IGF1R: variants seen among roughly 807,000 people sequenced by gnomAD.
IGF1R encodes the protein insulin like growth factor 1 receptor.
A neutral mutation model predicts 144.6 loss-of-function variants in IGF1R; 44 were observed. That is an observed-to-expected ratio of 0.30 (90% CI 0.24 to 0.39). The LOEUF is 0.39. Among genes scored for constraint, IGF1R ranks in the 10% least tolerant of loss-of-function variants. The pLI, the probability that IGF1R is intolerant of heterozygous loss-of-function variation, is 1.00. For synonymous variants in IGF1R, 795 were observed against 722.8 expected (o/e 1.10, Z -1.60); for missense variants, 1,355 against 1,833.7 (o/e 0.74, Z 4.77).
rs560852434 is a variant in IGF1R at position 98,957,652 on chromosome 15, C to T, written c.*210C>T. 173 of 624,888 alleles carry T rather than the reference C, an allele frequency of 2.8e-4. 1 individual carries two copies. The highest frequency in any genetic ancestry group is 2.8e-6 in the Non-Finnish European group (1 of 355,968). The allele number at this position is 624,888 out of a possible 1,614,324, so 38.7% of individuals were successfully genotyped here. A position where few individuals can be genotyped will look rare whatever the true frequency, so the allele number is the denominator to read the frequency against. ...CAATATGCAAGCAGCTTTTTATTCCCTGCCCAAACCCTTAACTGACATGGG... is the reference window on the plus strand; with the variant it reads ...CAATATGCAAGCAGCTTTTTATTCCTTGCCCAAACCCTTAACTGACATGGG... On this transcript the variant is annotated 3_prime_UTR_variant, in exon 21 of 21. Coordinates refer to ENST00000650285, the MANE Select transcript of IGF1R (RefSeq NM_000875.5).
At position 98,957,497 on chromosome 15, in the gene IGF1R, G is replaced by A. The variant is rs140896443; in HGVS notation, c.*55G>A. On this transcript the variant is annotated 3_prime_UTR_variant, in exon 21 of 21. Transcript: ENST00000650285. ...AACGTGTGCGCACGCGCAGCGGGGTGGGGGGGGAGAGAGAGTTTTAACAAT... is the reference window on the plus strand; with the variant it reads ...AACGTGTGCGCACGCGCAGCGGGGTAGGGGGGGAGAGAGAGTTTTAACAAT... 2.9e-4 allele frequency: 456 copies of A among 1,562,118 alleles called. 3 individuals carry two copies. The African/African-American group carries it at 4.9e-3, about 17-fold the overall frequency.
intron 2 of IGF1R, among the ~76,000 whole-genome samples, chr15:98,853,123 T>A (rs1390199203): frequency 6.6e-6 from 1 of 152,186 alleles, no homozygotes; most frequent in African/African-American, 2.4e-5. Flanking sequence ...TCACATCGGA[T>A]GCTATTTTAA....
In IGF1R at chr15:98,908,816, A is replaced by C. The variant is rs777004579; in HGVS notation, c.1379A>C (p.Tyr460Ser). ...CCCAAATTATGTGTTTCCGAAATTT[A>C]CCGCATGGAGGAAGTGACGGGGACT... ...FNPKLCVSEIYRMEEVTGTKG... is the reference protein window; with the variant it reads ...FNPKLCVSEISRMEEVTGTKG... Residue 460 changes from tyrosine to serine, a missense_variant, in exon 6 of 21, where the codon TAC becomes TCC. Around this residue, in one of 7 missense-constraint regions of IGF1R, gnomAD observed 880 missense variants for 1,202.7 expected, o/e 0.73. Transcript: ENST00000650285. The C allele has an allele frequency of 6.2e-7, 1 of 1,614,080 alleles. No individual in the cohort carries two copies. The highest frequency in any genetic ancestry group is 2.2e-5 in the East Asian group (1 of 44,902).
At chr15:98,793,910 T>C (rs2056182115) in intron 2 of IGF1R, among the ~76,000 whole-genome samples, 1 of 152,242 alleles carries the variant, frequency 6.6e-6, no homozygotes, top group African/African-American at 2.4e-5. Context: ...AGAATTTAGA[T>C]AGCTTCACTT....
In IGF1R at chr15:98,735,260, A is replaced by G. The variant is rs192459744; in HGVS notation, c.640+27153A>G. On this transcript the variant is annotated intron_variant, in intron 2 of 20. Transcript: ENST00000650285. The stretch of plus-strand genomic sequence containing the variant: ...TTCCCAGGGAAGAAAGCCCGTTTCA[A>G]TTGGCTCAAGCGGAAAAGAGCACTG... Among the ~76,000 whole-genome samples, 810 of 152,292 alleles carry G rather than the reference A, an allele frequency of 5.3e-3. 4 individuals carry two copies. Among genetic ancestry groups the G allele is most frequent in the Non-Finnish European group, 9.8e-3 (670 of 68,034 alleles).
rs1474593923 is a variant in IGF1R at position 98,705,991 on chromosome 15, G to A, written c.95-1571G>A. On this transcript the variant is annotated intron_variant, in intron 1 of 20. Coordinates refer to ENST00000650285, the MANE Select transcript of IGF1R (RefSeq NM_000875.5). ...CTCTGGCCTGTGGGATATTTACCGA[G>A]CTTTAAATCCTAGGCACCCTTTGGG... 4.1e-4 allele frequency among the ~76,000 whole-genome samples: 62 copies of A among 152,224 alleles called. 2 individuals carry two copies. The highest frequency in any genetic ancestry group is 4.0e-3 in the Admixed American group (61 of 15,284).
intron 6 of IGF1R, among the ~76,000 whole-genome samples, chr15:98,910,065 C>T (rs944164006): frequency 1.3e-5 from 2 of 152,172 alleles, no homozygotes; most frequent in East Asian, 1.9e-4. Context: ...AGAACCGATG[C>T]GTGTTTGGCT....
chr15:98,795,661 C>A (rs2056225009), intron 2 of IGF1R, among the ~76,000 whole-genome samples: 1 of 152,190 alleles, frequency 6.6e-6, no homozygotes, highest in Non-Finnish European at 1.5e-5. Flanking sequence ...CGTGATCCAC[C>A]TGTCTCGGCC....
At chr15:98,719,594 T>C (rs2054200152) in intron 2 of IGF1R, among the ~76,000 whole-genome samples, 1 of 152,230 alleles carries the variant, frequency 6.6e-6, no homozygotes, top group African/African-American at 2.4e-5. Flanking sequence ...AAACTTGACC[T>C]AACAGACTGC....
intron 2 of IGF1R, among the ~76,000 whole-genome samples, chr15:98,831,576 A>G (rs1275935798): frequency 2.0e-5 from 3 of 152,238 alleles, no homozygotes; most frequent in Non-Finnish European, 4.4e-5. Context: ...AAAACAAAAG[A>G]TAGATTAATA....
chr15:98,691,979 C>T (rs1439658749), intron 1 of IGF1R, among the ~76,000 whole-genome samples: 1 of 152,174 alleles, frequency 6.6e-6, no homozygotes, highest in Non-Finnish European at 1.5e-5. Context: ...CATGTCCTCA[C>T]TCAAGCTTGG....
At chr15:98,878,932 G>A (rs1322969415) in intron 2 of IGF1R, among the ~76,000 whole-genome samples, 4 of 152,096 alleles carry the variant, frequency 2.6e-5, no homozygotes, top group Admixed American at 6.5e-5. Context: ...GGAGGTGGAG[G>A]TTGCAGTGAG....
intron 2 of IGF1R, among the ~76,000 whole-genome samples, chr15:98,782,118 A>G (rs1419997674): frequency 1.3e-5 from 2 of 152,066 alleles, no homozygotes; most frequent in South Asian, 2.1e-4. Context: ...TCTCAAACCT[A>G]TTTGAGCAAA....
In IGF1R at chr15:98,957,396, G is replaced by C; in HGVS notation, c.4058G>C (p.Arg1353Pro). ...RQPYAHMNGG[R>P]KNERALPLPQ... ...CCTTACGCCCACATGAACGGGGGCCGCAAGAACGAGCGGGCCTTGCCGCTG... is the reference window on the plus strand; with the variant it reads ...CCTTACGCCCACATGAACGGGGGCCCCAAGAACGAGCGGGCCTTGCCGCTG... Residue 1353 changes from arginine to proline, a missense_variant, in exon 21 of 21, where the codon CGC (arginine) becomes CCC (proline). By Grantham distance (103) the Arg-to-Pro change is moderately radical. Around this residue, in one of 7 missense-constraint regions of IGF1R, gnomAD observed 219 missense variants for 188.8 expected, o/e 1.16. Coordinates refer to ENST00000650285, the MANE Select transcript of IGF1R (RefSeq NM_000875.5). The C allele has an allele frequency of 6.2e-7, 1 of 1,613,286 alleles. No homozygotes were observed. Among genetic ancestry groups the C allele is most frequent in the Non-Finnish European group, 8.5e-7 (1 of 1,180,018 alleles).
At chr15:98,843,050 A>G (rs2011202812) in intron 2 of IGF1R, among the ~76,000 whole-genome samples, 1 of 152,212 alleles carries the variant, frequency 6.6e-6, no homozygotes, top group Non-Finnish European at 1.5e-5. Flanking sequence ...TTGCAAGTCA[A>G]ACTGCTTCCT....
intron 2 of IGF1R, among the ~76,000 whole-genome samples, chr15:98,786,396 CAAA>C (rs755769898): frequency 9.3e-5 from 14 of 150,140 alleles, no homozygotes; most frequent in African/African-American, 3.4e-4. Flanking sequence ...TTTTATTAAA[CAAA>C]GAAGAAAACA....
chr15:98,777,907 T>C (rs1206480471), intron 2 of IGF1R, among the ~76,000 whole-genome samples: 1 of 152,152 alleles, frequency 6.6e-6, no homozygotes, highest in African/African-American at 2.4e-5. Flanking sequence ...GAGGGACCAA[T>C]AGTAGGGAAG....
At chr15:98,898,518 C>T (rs1428691343) in intron 4 of IGF1R, among the ~76,000 whole-genome samples, 1 of 152,246 alleles carries the variant, frequency 6.6e-6, no homozygotes, top group African/African-American at 2.4e-5. Flanking sequence ...CAACTGCACG[C>T]AACCTCTCAT....
At chr15:98,910,778 T>A (rs1330379492) in intron 6 of IGF1R, among the ~76,000 whole-genome samples, 1 of 152,250 alleles carries the variant, frequency 6.6e-6, no homozygotes, top group Non-Finnish European at 1.5e-5. Flanking sequence ...TCACAGGAGT[T>A]CCTGTGTCCT....
Sources: gnomAD v4.1 joint callset for allele counts (sites outside exome capture counted in the v4.1 genomes callset) on GRCh38, gnomAD v4.1.1 for gene constraint, gnomAD v4.1.1 regional missense constraint, MANE v1.5 for transcripts, NCBI Gene and HGNC (gene_info 2026-07-23, HGNC 2026-07-21) for gene names.